Variants in RPS6KA2 observed in about 807,000 individuals in gnomAD.
RPS6KA2 encodes ribosomal protein S6 kinase alpha-2.
A neutral mutation model predicts 91.8 loss-of-function variants in RPS6KA2; 42 were observed. The observed-to-expected ratio is 0.46, with a 90% CI of 0.36 to 0.59. The LOEUF (loss-of-function observed/expected upper bound fraction) is 0.59. RPS6KA2 is among the 20% of genes least tolerant of loss of function. The pLI, the probability that RPS6KA2 is intolerant of heterozygous loss-of-function variation, is 0.00. For synonymous variants in RPS6KA2, 414 were observed against 393.6 expected, an observed-to-expected ratio of 1.05 and a Z score of -0.61; for missense variants, 798 against 978.5, an observed-to-expected ratio of 0.82 and a Z score of 2.46.
intron 2 of RPS6KA2, chr6:166,771,063 T>TTATG: frequency 1.6e-6 from 1 of 607,816 alleles, no homozygotes; most frequent in Non-Finnish European, 2.7e-6. Context: ...TTTTAAGTAA[T>TTATG]TGGAGGAGTT....
At chr6:166,551,126 AT>A (rs1014461078) in intron 1 of RPS6KA2, among the ~76,000 whole-genome samples, 5 of 151,594 alleles carry the variant, frequency 3.3e-5, no homozygotes, top group South Asian at 2.1e-4. Flanking sequence ...GAAGGGTTCA[AT>A]TTTTTTTTCT....
At chr6:166,432,753 G>A (rs1327020657) in intron 14 of RPS6KA2, among the ~76,000 whole-genome samples, 1 of 152,186 alleles carries the variant, frequency 6.6e-6, no homozygotes, top group Non-Finnish European at 1.5e-5. Flanking sequence ...CACTTTGGGA[G>A]GCCGGGGTGG....
rs530570052 is a variant in RPS6KA2, at chr6:166,495,856, T to C, written c.747+2652A>G. 3.3e-5 allele frequency among the ~76,000 whole-genome samples: 5 copies of C among 151,828 alleles called. No homozygotes were observed. Among genetic ancestry groups the C allele is most frequent in the Admixed American group, 6.6e-5 (1 of 15,240 alleles). ...CAGGGTCAGCAAAGGCCACTGGGAG[T>C]GGTGCTTCTGTCTTAGGGCTGATGG... On this transcript the variant is annotated intron_variant, in intron 8 of 20. Transcript: ENST00000265678. This position sits in a 1 kb window ranked among gnomAD's most constrained non-coding sequence, Gnocchi z 4.4.
At chr6:166,476,335 C>T (rs1780973936) in intron 10 of RPS6KA2, among the ~76,000 whole-genome samples, 1 of 152,186 alleles carries the variant, frequency 6.6e-6, no homozygotes, top group East Asian at 1.9e-4. Context: ...TTCTGCTGTT[C>T]AAGCTGCCCA....
intron 12 of RPS6KA2, among the ~76,000 whole-genome samples, chr6:166,454,446 C>T (rs1780024323): frequency 6.6e-6 from 1 of 152,024 alleles, no homozygotes; most frequent in African/African-American, 2.4e-5. Flanking sequence ...TGCAGTGAGC[C>T]AAGATCGCAC....
intron 1 of RPS6KA2, among the ~76,000 whole-genome samples, chr6:166,625,393 C>T (rs1400043570): frequency 6.8e-6 from 1 of 146,800 alleles, no homozygotes; most frequent in African/African-American, 2.5e-5. Flanking sequence ...GCCCAGCCCT[C>T]CTTGCAGAAC....
Position 166,733,339 on chromosome 6 carries a change from T to G in RPS6KA2, c.123+124861A>C, listed in dbSNP as rs1441378522. The stretch of plus-strand genomic sequence containing the variant: ...TCAGTAACAGCAGTGGTGTTGGCCG[T>G]CTTGATCAGTTTATTATGTCTTGGA... On this transcript the variant is annotated intron_variant, in intron 2 of 21. Coordinates refer to the RPS6KA2 transcript ENST00000503859. This position sits in a 1 kb window ranked among gnomAD's most constrained non-coding sequence, Gnocchi z 4.1. Among the ~76,000 whole-genome samples, 1 of 152,164 alleles carries G rather than the reference T, an allele frequency of 6.6e-6. No homozygotes were observed. Among genetic ancestry groups the G allele is most frequent in the Non-Finnish European group, 1.5e-5 (1 of 68,032 alleles).
chr6:166,528,367 T>C (rs1001200005), intron 3 of RPS6KA2, among the ~76,000 whole-genome samples: 4 of 152,082 alleles, frequency 2.6e-5, no homozygotes, highest in African/African-American at 9.7e-5. Context: ...GCTAGCCATA[T>C]ATAGAAAGCT....
In RPS6KA2 at chr6:166,569,506, G is replaced by A. The variant is rs7772291; in HGVS notation, c.100-30722C>T. ...CCTGTCATCGGATGCCTCTGCCCTC[G>A]CTGGGTCCCTGCTGGGGCCGCCCTG... On this transcript the variant is annotated intron_variant, in intron 1 of 20. Coordinates refer to ENST00000265678, the MANE Select transcript of RPS6KA2 (RefSeq NM_021135.6). Among the ~76,000 whole-genome samples the A allele has an allele frequency of 1.2e-4, 18 of 152,230 alleles. No homozygotes were observed. In the South Asian group the frequency reaches 1.2e-3, roughly 11 times the overall value.
chr6:166,734,324 A>G (rs576862210), intron 2 of RPS6KA2, among the ~76,000 whole-genome samples: 1 of 152,168 alleles, frequency 6.6e-6, no homozygotes, highest in Non-Finnish European at 1.5e-5. Flanking sequence ...GACCCTTTGG[A>G]GTAAGGGTTT....
chr6:166,570,617 C>G (rs1562586494), intron 1 of RPS6KA2, among the ~76,000 whole-genome samples: 2 of 152,136 alleles, frequency 1.3e-5, no homozygotes, highest in South Asian at 2.1e-4. Context: ...AAAATAAATA[C>G]AGCAGATCTA....
chr6:166,538,868 C>T lies in RPS6KA2; in HGVS notation c.100-84G>A. 2 of 702,370 alleles carry T rather than the reference C, an allele frequency of 2.8e-6. 1 individual carries two copies. Among genetic ancestry groups the T allele is most frequent in the South Asian group, 3.5e-5 (2 of 57,648 alleles). The allele number at this position is 702,370 out of a possible 1,614,324, so 43.5% of individuals were successfully genotyped here. ...CAGCTTCCTCCTCCCCTGAGTTTAC[C>T]ACGAGCTGGGTCTGTTACAGATTTT... On this transcript the variant is annotated intron_variant, in intron 1 of 20. Transcript: ENST00000265678.
chr6:166,813,956 G>A (rs1245233573), intron 2 of RPS6KA2, among the ~76,000 whole-genome samples: 1 of 152,142 alleles, frequency 6.6e-6, no homozygotes, highest in Non-Finnish European at 1.5e-5. Context: ...GTTTAATGAT[G>A]GCCGGTGTCT....
At chr6:166,415,580 A>G (rs529248811) in intron 19 of RPS6KA2, among the ~76,000 whole-genome samples, 1 of 152,146 alleles carries the variant, frequency 6.6e-6, no homozygotes, top group South Asian at 2.1e-4. Flanking sequence ...GATCTTGACA[A>G]TGTGCCCTTG....
intron 2 of RPS6KA2, among the ~76,000 whole-genome samples, chr6:166,785,581 C>A (rs144576256): frequency 6.6e-6 from 1 of 152,252 alleles, no homozygotes; most frequent in African/African-American, 2.4e-5. Flanking sequence ...GTGGTCCTTA[C>A]GAGAATCTGA....
chr6:166,496,409 TTTATA>T (rs981012696), intron 8 of RPS6KA2, among the ~76,000 whole-genome samples: 55 of 151,628 alleles, frequency 3.6e-4, no homozygotes, highest in African/African-American at 1.3e-3. Context: ...AAATATATAT[TTTATA>T]TTATGAGATA....
At chr6:166,682,446 G>C (rs1483350349) in intron 2 of RPS6KA2, among the ~76,000 whole-genome samples, 3 of 152,172 alleles carry the variant, frequency 2.0e-5, no homozygotes, top group Non-Finnish European at 2.9e-5. Context: ...GTGGGGTCCG[G>C]TGTGGGCAGC....
Position 166,665,800 on chromosome 6 carries a change from G to A in RPS6KA2, c.124-127016C>T, listed in dbSNP as rs1788299521. Among the ~76,000 whole-genome samples, 1 of 152,170 alleles carries A rather than the reference G, an allele frequency of 6.6e-6. No individual in the cohort carries two copies. The highest frequency in any genetic ancestry group is 2.4e-5 in the African/African-American group (1 of 41,456). On this transcript the variant is annotated intron_variant, in intron 2 of 21. Transcript: ENST00000503859. This position sits in a 1 kb window ranked among gnomAD's most constrained non-coding sequence, Gnocchi z 4.5. ...GGTTGTTCATGTCACGGAGAAGGAA[G>A]CCGAGTGAGGATGAGAAAAGCAACC...
In RPS6KA2 at chr6:166,647,766, AC is replaced by A. The variant is rs966509551; in HGVS notation, c.124-108983del. 4.0e-5 allele frequency among the ~76,000 whole-genome samples: 6 copies of A among 151,832 alleles called. No homozygotes were observed. The South Asian group carries it at 8.3e-4, about 21-fold the overall frequency. On this transcript the variant is annotated intron_variant, in intron 2 of 21. Coordinates refer to the RPS6KA2 transcript ENST00000503859. ...CATACATGCACACACACACACACGCACATGCTCATACACACACATGCACATG... is the reference window on the plus strand; with the variant it reads ...CATACATGCACACACACACACACGCAATGCTCATACACACACATGCACATG...
Sources: gnomAD v4.1 joint callset for allele counts (sites outside exome capture counted in the v4.1 genomes callset) on GRCh38, gnomAD v4.1.1 for gene constraint, Gnocchi (gnomAD v3.1) non-coding constraint, MANE v1.5 for transcripts, NCBI Gene and HGNC (gene_info 2026-07-23, HGNC 2026-07-21) for gene names.